The following MAN1B1 variants were observed in gnomAD, a reference collection of about 807,000 sequenced individuals.
MAN1B1 encodes mannosidase alpha class 1B member 1, also known as endoplasmic reticulum mannosyl-oligosaccharide 1,2-alpha-mannosidase.
MAN1B1 carries 66 observed loss-of-function variants against 75.5 expected under a neutral mutation model. The observed-to-expected ratio is 0.87, with a 90% CI of 0.72 to 1.07. The LOEUF is 1.07. Among genes scored for constraint, MAN1B1 ranks in the 50% least tolerant of loss-of-function variants. The pLI is 0.00. For missense variants in MAN1B1, 973 were observed against 912.5 expected (o/e 1.07, Z -0.85); for synonymous variants, 453 against 382.8 (o/e 1.18, Z -2.14).
In MAN1B1 at chr9:137,101,082, A is replaced by G. The variant is rs546612497; in HGVS notation, c.994A>G (p.Thr332Ala). ...CGTGGACGTCAACCTGTTTGAGAGC[A>G]CGATCCGCATCCTGGGGGGGCTCCT... ...KDVDVNLFES[T>A]IRILGGLLSA... The change falls in exon 7 of 13, where the codon ACG (threonine) becomes GCG (alanine). Residue 332 changes from threonine to alanine, a missense_variant. Thr to Ala is a moderately conservative substitution (Grantham distance 58, BLOSUM62 0). Transcript: ENST00000371589. 6.8e-6 allele frequency: 11 copies of G among 1,614,160 alleles called. No individual in the cohort carries two copies. Among genetic ancestry groups the G allele is most frequent in the Non-Finnish European group, 8.5e-6 (10 of 1,180,040 alleles).
intron 7 of MAN1B1, 56 bp from the exon 8 acceptor site, chr9:137,101,428 T>C (rs896039531): frequency 1.2e-5 from 18 of 1,529,948 alleles, no homozygotes; most frequent in Admixed American, 1.7e-5. Context: ...TGAAAGGGTG[T>C]AGACGAGGCC....
At chr9:137,097,283 G>C (rs908248674) in intron 4 of MAN1B1, among the ~76,000 whole-genome samples, 2 of 152,194 alleles carry the variant, frequency 1.3e-5, no homozygotes, top group African/African-American at 2.4e-5. Context: ...GCTGATCCTG[G>C]GACAGATTCA....
At chr9:137,093,594 G>T (rs2130996987) in intron 3 of MAN1B1, among the ~76,000 whole-genome samples, 1 of 152,286 alleles carries the variant, frequency 6.6e-6, no homozygotes, top group East Asian at 1.9e-4. Flanking sequence ...ACTTTGGGAG[G>T]CTGAAGCGGG....
intron 8 of MAN1B1, chr9:137,105,629 G>T: frequency 3.1e-6 from 1 of 321,574 alleles, no homozygotes; most frequent in East Asian, 9.7e-5. Context: ...CTGCCAGCTG[G>T]GCGTAAGCCC....
At position 137,095,541 on chromosome 9, in the gene MAN1B1, A is replaced by C. The variant is rs144288683; in HGVS notation, c.466-696A>C. ...TAAGACCAGCCTGGGCAACATAAGGAGACCCTGTCTCTATAGTAATAATAA... is the reference window on the plus strand; with the variant it reads ...TAAGACCAGCCTGGGCAACATAAGGCGACCCTGTCTCTATAGTAATAATAA... On this transcript the variant is annotated intron_variant, in intron 3 of 12. Transcript: ENST00000371589. Among the ~76,000 whole-genome samples, 710 of 152,246 alleles carry C rather than the reference A, an allele frequency of 4.7e-3. 4 individuals are homozygous for C. Among genetic ancestry groups the C allele is most frequent in the East Asian group, 8.7e-3 (45 of 5,158 alleles).
chr9:137,098,462 C>A (rs894336479), intron 5 of MAN1B1, among the ~76,000 whole-genome samples: 4 of 149,538 alleles, frequency 2.7e-5, no homozygotes, highest in African/African-American at 9.8e-5. Context: ...TCTGTGGGGG[C>A]TCATGGCAGG....
chr9:137,096,093 C>A, intron 3 of MAN1B1, 144 bp from the exon 4 acceptor site: 1 of 840,082 alleles, frequency 1.2e-6, no homozygotes, highest in Non-Finnish European at 2.0e-6. Flanking sequence ...AGCTGCCTGT[C>A]GTATTGAAAA....
At chr9:137,102,324 C>CGGTGGTGTTACACACA in intron 8 of MAN1B1, 3 of 347,900 alleles carry the variant, frequency 8.6e-6, no homozygotes, top group African/African-American at 3.5e-5. Flanking sequence ...GTTACACATT[C>CGGTGGTGTTACACACA]ACGCTGTTGC....
At chr9:137,106,075 C>G (rs370958400) in intron 8 of MAN1B1, 50 bp from the exon 9 acceptor site, 2 of 1,482,102 alleles carry the variant, frequency 1.3e-6, no homozygotes, top group Non-Finnish European at 1.9e-6. Context: ...ACAGCTCACC[C>G]TGCAGCTCGG....
rs200181787 is a variant in MAN1B1, at chr9:137,107,683, C to T, written c.1896+21C>T. On this transcript the variant is annotated intron_variant, in intron 12 of 12. Coordinates refer to ENST00000371589, the MANE Select transcript of MAN1B1 (RefSeq NM_016219.5). Reference sequence around the variant, plus strand: ...CACGGGTGAGCACCTGTCCTCGCCCCGCGTGGTCACGGCCACCGGGCCACA... The same window carrying T: ...CACGGGTGAGCACCTGTCCTCGCCCTGCGTGGTCACGGCCACCGGGCCACA... 736 of 1,609,852 alleles carry T rather than the reference C, an allele frequency of 4.6e-4. 2 individuals carry two copies. Among genetic ancestry groups the T allele is most frequent in the Middle Eastern group, 3.3e-4 (2 of 6,084 alleles).
chr9:137,088,449 C>G, intron 2 of MAN1B1: 2 of 1,533,572 alleles, frequency 1.3e-6, no homozygotes, highest in Non-Finnish European at 1.8e-6. Context: ...AGCTGGTGGG[C>G]TTGAACACTC....
At chr9:137,095,789 A>G (rs1348255999) in intron 3 of MAN1B1, among the ~76,000 whole-genome samples, 1 of 152,200 alleles carries the variant, frequency 6.6e-6, no homozygotes, top group East Asian at 1.9e-4. Context: ...GAAGGCCCGC[A>G]TCACACAGCA....
At chr9:137,100,837 C>G (rs939065114) in intron 6 of MAN1B1, among the ~76,000 whole-genome samples, 168 bp from the exon 7 acceptor site, 2 of 152,192 alleles carry the variant, frequency 1.3e-5, no homozygotes, top group African/African-American at 4.8e-5. Flanking sequence ...CCAGGCTGGT[C>G]TCTAACTCCT....
At chr9:137,105,540 A>G (rs1003879146) in intron 8 of MAN1B1, 1 of 268,124 alleles carries the variant, frequency 3.7e-6, no homozygotes, top group Non-Finnish European at 7.3e-6. Context: ...TGCGTTGGGT[A>G]GAGACCCGGA....
chr9:137,106,481 G>A, intron 9 of MAN1B1, 166 bp downstream of exon 9: 1 of 948,940 alleles, frequency 1.1e-6, no homozygotes, highest in East Asian at 2.6e-5. Context: ...TTATGTGGAG[G>A]GCGTATTCAT....
At chr9:137,097,276 G>T (rs1229412200) in intron 4 of MAN1B1, among the ~76,000 whole-genome samples, 8 of 152,254 alleles carry the variant, frequency 5.3e-5, no homozygotes, top group Non-Finnish European at 1.0e-4. Flanking sequence ...GCCTTTTGCT[G>T]ATCCTGGGAC....
rs551426623 is a variant in MAN1B1, at chr9:137,087,306, C to G, written c.219+88C>G. 2.5e-3 allele frequency: 3,528 copies of G among 1,408,522 alleles called. 14 individuals carry two copies. Among genetic ancestry groups the G allele is most frequent in the Non-Finnish European group, 2.4e-3 (2,510 of 1,042,190 alleles). The allele number at this position is 1,408,522 out of a possible 1,614,324, so 87.3% of individuals were successfully genotyped here. On this transcript the variant is annotated intron_variant, in intron 1 of 12. Coordinates refer to ENST00000371589, the MANE Select transcript of MAN1B1 (RefSeq NM_016219.5). ...CGGCTCCGAGCGGGACCTGGGCGGGCGGACTCGACTCCCCAGGCGCCGCCC... is the reference window on the plus strand; with the variant it reads ...CGGCTCCGAGCGGGACCTGGGCGGGGGGACTCGACTCCCCAGGCGCCGCCC...
intron 1 of MAN1B1, chr9:137,087,665 C>T (rs1358781835): frequency 4.9e-6 from 2 of 404,454 alleles, no homozygotes; most frequent in Admixed American, 7.7e-5. Flanking sequence ...TGTGCATCGC[C>T]TGGGCGGTGC....
chr9:137,098,984 C>A (rs1459014450), intron 5 of MAN1B1, among the ~76,000 whole-genome samples: 1 of 152,190 alleles, frequency 6.6e-6, no homozygotes, highest in Non-Finnish European at 1.5e-5. Flanking sequence ...CACCCGCCAC[C>A]ACACCTGGCT....
Sources: allele counts gnomAD v4.1 joint callset (sites outside exome capture counted in the v4.1 genomes callset), GRCh38; gene constraint gnomAD v4.1.1; transcripts MANE v1.5; gene names NCBI Gene and HGNC (gene_info 2026-07-23, HGNC 2026-07-21).